The following LIMCH1 variants were observed in gnomAD, a reference collection of about 807,000 sequenced individuals.
LIMCH1 encodes the protein LIM and calponin homology domains 1, also known as LIM and calponin homology domains-containing protein 1.
LIMCH1 carries 113 observed loss-of-function variants against 176.5 expected under a neutral mutation model. That is an observed-to-expected ratio of 0.64 (90% CI 0.55 to 0.75). The LOEUF is 0.75. LIMCH1 is among the 30% of genes least tolerant of loss of function. LIMCH1 has a pLI of 0.00. For missense variants in LIMCH1, 1,674 were observed against 1,814.9 expected (o/e 0.92, Z 1.41); for synonymous variants, 619 against 645.9 (o/e 0.96, Z 0.63).
chr4:41,579,138 A>T (rs906929924), intron 1 of LIMCH1, among the ~76,000 whole-genome samples: 1 of 151,724 alleles, frequency 6.6e-6, no homozygotes, highest in Non-Finnish European at 1.5e-5. Context: ...TCTTTTTGCC[A>T]GTCAAGGTGC....
At chr4:41,579,527 A>C (rs912990026) in intron 1 of LIMCH1, among the ~76,000 whole-genome samples, 1 of 152,224 alleles carries the variant, frequency 6.6e-6, no homozygotes, top group Non-Finnish European at 1.5e-5. Context: ...TGTGCAGTCC[A>C]TCTGGCGTAC....
chr4:41,526,828 G>A (rs1321073784), intron 3 of LIMCH1, among the ~76,000 whole-genome samples: 1 of 152,180 alleles, frequency 6.6e-6, no homozygotes, highest in Non-Finnish European at 1.5e-5. Context: ...AGTTGCACCA[G>A]TTCAGCTATC....
chr4:41,381,454 C>G (rs1182873109), intron 1 of LIMCH1, among the ~76,000 whole-genome samples: 1 of 152,202 alleles, frequency 6.6e-6, no homozygotes, highest in African/African-American at 2.4e-5. Context: ...ATGTTTCCCT[C>G]ACAGAGGGAG....
chr4:41,422,877 C>T (rs1465428976), intron 1 of LIMCH1, among the ~76,000 whole-genome samples: 4 of 152,172 alleles, frequency 2.6e-5, no homozygotes, highest in Non-Finnish European at 5.9e-5. Flanking sequence ...CCTGCTTCAG[C>T]CTCCTGAGGA....
intron 29 of LIMCH1, among the ~76,000 whole-genome samples, chr4:41,688,230 C>CT (rs1375264632): frequency 1.3e-5 from 2 of 152,212 alleles, no homozygotes; most frequent in Non-Finnish European, 2.9e-5. Flanking sequence ...AAGCTGGCGC[C>CT]TTTCCCTTCA....
At chr4:41,386,285 T>C (rs1164320226) in intron 1 of LIMCH1, among the ~76,000 whole-genome samples, 1 of 152,114 alleles carries the variant, frequency 6.6e-6, no homozygotes, top group African/African-American at 2.4e-5. Context: ...CAGTATTCCT[T>C]AGAGGAGGGA....
At chr4:41,453,356 A>G (rs1215096410) in intron 1 of LIMCH1, among the ~76,000 whole-genome samples, 10 of 152,252 alleles carry the variant, frequency 6.6e-5, no homozygotes, top group Admixed American at 5.2e-4. Context: ...CTAATAGCCC[A>G]CTATTGACCA....
chr4:41,505,610 C>T (rs184757919), intron 2 of LIMCH1, among the ~76,000 whole-genome samples: 1 of 152,266 alleles, frequency 6.6e-6, no homozygotes, highest in Non-Finnish European at 1.5e-5. Context: ...GGAAGCTGTT[C>T]CAGAACCTTC....
chr4:41,510,713 C>T (rs542108711), intron 2 of LIMCH1, among the ~76,000 whole-genome samples: 12 of 152,064 alleles, frequency 7.9e-5, no homozygotes, highest in East Asian at 1.9e-4. Flanking sequence ...CTCAGCCTCC[C>T]GAGTAGCTGG....
intron 1 of LIMCH1, among the ~76,000 whole-genome samples, chr4:41,368,274 G>A (rs2053408986): frequency 6.6e-6 from 1 of 152,174 alleles, no homozygotes; most frequent in Admixed American, 6.5e-5. Context: ...ATGTGTGAAA[G>A]TGTGCTTTCA....
upstream of LIMCH1, chr4:41,360,692 C>T: frequency 1.0e-5 from 4 of 395,538 alleles, no homozygotes; most frequent in Non-Finnish European, 1.7e-5. The surrounding 1 kb of genome is among the most constrained non-coding windows in gnomAD (Gnocchi z 4.5). Flanking sequence ...TAGCAGCGCG[C>T]GGCTCTCCCG....
intron 1 of LIMCH1, among the ~76,000 whole-genome samples, chr4:41,548,962 T>C (rs2079993041): frequency 6.6e-6 from 1 of 152,180 alleles, no homozygotes; most frequent in South Asian, 2.1e-4. Flanking sequence ...AGTTGTCTCA[T>C]TTGTGGAGTG....
chr4:41,477,291 T>C (rs1415146685), intron 1 of LIMCH1, among the ~76,000 whole-genome samples: 1 of 152,104 alleles, frequency 6.6e-6, no homozygotes, highest in Non-Finnish European at 1.5e-5. Flanking sequence ...CTCCCCAGGG[T>C]GGACTCTATG....
At chr4:41,611,051 A>G (rs1156421766) in intron 4 of LIMCH1, among the ~76,000 whole-genome samples, 2 of 152,222 alleles carry the variant, frequency 1.3e-5, no homozygotes, top group Non-Finnish European at 2.9e-5. Flanking sequence ...TGTAATGCAG[A>G]TATTTCCAAA....
intron 14 of LIMCH1, among the ~76,000 whole-genome samples, chr4:41,642,304 A>T (rs1052442052): frequency 1.0e-4 from 14 of 133,782 alleles, no homozygotes; most frequent in African/African-American, 3.9e-4. Context: ...TGAATATTTT[A>T]AAAGTAAGAT....
intron 1 of LIMCH1, among the ~76,000 whole-genome samples, chr4:41,390,089 C>T (rs1487020653): frequency 6.6e-6 from 1 of 152,080 alleles, no homozygotes; most frequent in East Asian, 1.9e-4. Flanking sequence ...AGCTACAGAG[C>T]ACATGACATT....
chr4:41,372,907 C>A (rs912855058), intron 1 of LIMCH1, among the ~76,000 whole-genome samples: 1 of 152,158 alleles, frequency 6.6e-6, no homozygotes, highest in Admixed American at 6.5e-5. Flanking sequence ...TGCGATTATT[C>A]CTGTTCTCTG....
chr4:41,692,663 A>G, intron 31 of LIMCH1: 1 of 317,190 alleles, frequency 3.2e-6, no homozygotes, highest in Non-Finnish European at 5.9e-6. Flanking sequence ...TTGGTGTGAT[A>G]GAAAGGAGAT....
intron 1 of LIMCH1, among the ~76,000 whole-genome samples, chr4:41,401,758 A>T (rs1419074945): frequency 6.6e-6 from 1 of 152,124 alleles, no homozygotes; most frequent in Non-Finnish European, 1.5e-5. Context: ...ATCCCTTGTA[A>T]GCTGGATTCC....
Sources: gnomAD v4.1 joint callset for allele counts (sites outside exome capture counted in the v4.1 genomes callset) on GRCh38, gnomAD v4.1.1 for gene constraint, Gnocchi (gnomAD v3.1) non-coding constraint, MANE v1.5 for transcripts, NCBI Gene and HGNC (gene_info 2026-07-23, HGNC 2026-07-21) for gene names.